CACNA2D3: variants seen among roughly 807,000 people sequenced by gnomAD.
CACNA2D3 encodes calcium voltage-gated channel auxiliary subunit alpha2delta 3.
Under a neutral mutation model 160.6 loss-of-function variants are expected in CACNA2D3, and 60 were observed. That is an observed-to-expected ratio of 0.37 (90% confidence interval 0.30 to 0.46). The LOEUF is 0.46. Among genes scored for constraint, CACNA2D3 ranks in the 20% least tolerant of loss-of-function variants. The pLI, the probability that CACNA2D3 is intolerant of heterozygous loss-of-function variation, is 1.00. For synonymous variants in CACNA2D3, 558 were observed against 492.9 expected (o/e 1.13, Z -1.75); for missense variants, 1,205 against 1,365.0 (o/e 0.88, Z 1.85).
At chr3:54,190,718 A>C (rs4076707) in intron 2 of CACNA2D3, among the ~76,000 whole-genome samples, 1 of 152,044 alleles carries the variant, frequency 6.6e-6, no homozygotes. Flanking sequence ...ATCTCTCCTT[A>C]TAAGATTATA....
At chr3:54,764,439 C>A in intron 13 of CACNA2D3, 88 bp downstream of exon 13, 1 of 1,494,302 alleles carries the variant, frequency 6.7e-7, no homozygotes, top group Non-Finnish European at 9.2e-7. Context: ...CTGTATCACT[C>A]TTATTTTTTG....
chr3:54,943,032 TAATAA>T (rs1390640201), intron 27 of CACNA2D3, among the ~76,000 whole-genome samples: 10 of 151,240 alleles, frequency 6.6e-5, no homozygotes, highest in African/African-American at 2.2e-4. Context: ...TCAAAAATAA[TAATAA>T]AATAAAAACT....
intron 11 of CACNA2D3, among the ~76,000 whole-genome samples, chr3:54,689,305 C>T (rs1165521281): frequency 6.6e-6 from 1 of 152,126 alleles, no homozygotes; most frequent in Non-Finnish European, 1.5e-5. Flanking sequence ...CCTACATGCT[C>T]CAGGCACAGT....
At chr3:54,739,866 C>T (rs1267972949) in intron 11 of CACNA2D3, among the ~76,000 whole-genome samples, 2 of 150,704 alleles carry the variant, frequency 1.3e-5, no homozygotes, top group Non-Finnish European at 2.9e-5. Context: ...TAAAGAAATA[C>T]ATATATTTTC....
In CACNA2D3 at chr3:54,834,556, A is replaced by G. The variant is rs535771295; in HGVS notation, c.1399-2603A>G. ...ATACTGGTTGACTTGGTTCATGGCA[A>G]CACTAACTGTCAGCATCATCTCATA... On this transcript the variant is annotated intron_variant, in intron 14 of 37. Transcript: ENST00000474759. Among the ~76,000 whole-genome samples the G allele has an allele frequency of 4.6e-5, 7 of 152,358 alleles. No homozygotes were observed. In the South Asian group the frequency reaches 1.4e-3, roughly 32 times the overall value.
chr3:54,706,057 G>A (rs371993575), intron 11 of CACNA2D3, among the ~76,000 whole-genome samples: 3 of 152,160 alleles, frequency 2.0e-5, no homozygotes, highest in East Asian at 3.9e-4. Context: ...CACACCATAA[G>A]GCCAAATCAA....
intron 5 of CACNA2D3, among the ~76,000 whole-genome samples, chr3:54,515,890 T>A (rs1044458563): frequency 4.6e-5 from 7 of 152,210 alleles, no homozygotes; most frequent in Non-Finnish European, 8.8e-5. Flanking sequence ...CCATTTGTTC[T>A]CTCACTGACA....
In CACNA2D3 at chr3:54,763,705, GTA is replaced by G. The variant is rs533189363; in HGVS notation, c.1247-505_1247-504del. 7.0e-4 allele frequency among the ~76,000 whole-genome samples: 93 copies of G among 133,578 alleles called. 1 individual carries two copies. The highest frequency in any genetic ancestry group is 1.9e-3 in the African/African-American group (69 of 36,992). 87.6% of individuals were successfully genotyped at this position (133,578 alleles called of 152,430 possible). ...TATATGTGTGTATATATGTATATAT[GTA>G]TATATATGTACATATATACATATAT... On this transcript the variant is annotated intron_variant, in intron 12 of 37. Coordinates refer to ENST00000474759, the MANE Select transcript of CACNA2D3 (RefSeq NM_018398.3).
intron 13 of CACNA2D3, among the ~76,000 whole-genome samples, chr3:54,788,184 A>ATATT (rs1702677572): frequency 6.6e-6 from 1 of 152,138 alleles, no homozygotes; most frequent in Non-Finnish European, 1.5e-5. Context: ...GTCAGTCATG[A>ATATT]TATTACTGTG....
intron 5 of CACNA2D3, among the ~76,000 whole-genome samples, chr3:54,541,148 G>C (rs1253450826): frequency 6.6e-6 from 1 of 151,602 alleles, no homozygotes; most frequent in Non-Finnish European, 1.5e-5. Flanking sequence ...GTGGTGGCGG[G>C]CGCCTGTAGT....
intron 13 of CACNA2D3, 28 bp from the exon 14 acceptor site, chr3:54,816,825 T>C: frequency 6.2e-7 from 1 of 1,607,794 alleles, no homozygotes; most frequent in Non-Finnish European, 8.5e-7. Flanking sequence ...TTTTTTCTTT[T>C]TTGTTTTGTT....
intron 17 of CACNA2D3, among the ~76,000 whole-genome samples, chr3:54,869,213 G>C (rs925162711): frequency 2.0e-5 from 3 of 152,220 alleles, no homozygotes; most frequent in African/African-American, 7.2e-5. Context: ...ATGAGGCTTA[G>C]ACATGAAAAT....
intron 2 of CACNA2D3, chr3:54,273,056 G>A (rs917890689): frequency 1.3e-5 from 2 of 152,284 alleles, no homozygotes; most frequent in African/African-American, 4.8e-5. Flanking sequence ...ATTGTCACTC[G>A]GCTCCAGCTG....
chr3:54,632,961 C>G (rs538660057), intron 10 of CACNA2D3, among the ~76,000 whole-genome samples: 1 of 152,176 alleles, frequency 6.6e-6, no homozygotes, highest in Admixed American at 6.5e-5. Context: ...TACCTACTAA[C>G]GTGACAGTGT....
chr3:54,483,365 C>T (rs1186666345), intron 4 of CACNA2D3, among the ~76,000 whole-genome samples: 3 of 152,086 alleles, frequency 2.0e-5, no homozygotes, highest in African/African-American at 4.8e-5. Flanking sequence ...TGTTTCTTAG[C>T]CTTTACGGGG....
rs571205167 is a variant in CACNA2D3, at chr3:54,328,285, G to GT, written c.321+7734dup. Among the ~76,000 whole-genome samples, 25 of 152,032 alleles carry GT rather than the reference G, an allele frequency of 1.6e-4. 1 individual carries two copies. In the East Asian group the frequency reaches 4.6e-3, roughly 28 times the overall value. ...GTTTTTTGTTTTGTTTCGTTTGTTT[G>GT]TTTTTTTGGTTTTGAGACGCAGTTT... On this transcript the variant is annotated intron_variant, in intron 3 of 37. Transcript: ENST00000474759.
At chr3:54,493,932 G>T (rs1209187885) in intron 4 of CACNA2D3, among the ~76,000 whole-genome samples, 1 of 152,216 alleles carries the variant, frequency 6.6e-6, no homozygotes, top group Non-Finnish European at 1.5e-5. Context: ...GAAAAAGTTT[G>T]CTGGCCCCTG....
chr3:54,316,954 G>T (rs1379489062), intron 2 of CACNA2D3, among the ~76,000 whole-genome samples: 1 of 152,178 alleles, frequency 6.6e-6, no homozygotes, highest in East Asian at 1.9e-4. Flanking sequence ...TTTATCTTGA[G>T]CCTCTAGATT....
At chr3:54,638,813 T>C (rs1001648830) in intron 10 of CACNA2D3, 5 of 152,046 alleles carry the variant, frequency 3.3e-5, no homozygotes, top group Non-Finnish European at 1.5e-5. Flanking sequence ...TTGGAACTAC[T>C]GTTGAGTTTG....
Sources: allele counts gnomAD v4.1 joint callset (sites outside exome capture counted in the v4.1 genomes callset), GRCh38; gene constraint gnomAD v4.1.1; transcripts MANE v1.5; gene names NCBI Gene and HGNC (gene_info 2026-07-23, HGNC 2026-07-21).